DMKN: variants seen among roughly 807,000 people sequenced by gnomAD.
The protein encoded by DMKN is dermokine, also known as epidermis-specific secreted protein SK30/SK89.
A neutral mutation model predicts 67.6 loss-of-function variants in DMKN; 58 were observed. The ratio of observed to expected loss-of-function variants is 0.86; its 90% CI spans 0.69 to 1.07. The LOEUF (loss-of-function observed/expected upper bound fraction) is 1.07. Among genes scored for constraint, DMKN ranks in the 50% least tolerant of loss-of-function variants. The pLI is 0.00. For missense variants in DMKN, 596 were observed against 601.5 expected, an observed-to-expected ratio of 0.99 and a Z score of 0.10; for synonymous variants, 240 against 232.3, an observed-to-expected ratio of 1.03 and a Z score of -0.30.
At position 35,501,728 on chromosome 19, in the gene DMKN, C is replaced by G. The variant is rs147338789; in HGVS notation, c.1239+408G>C. The G allele has an allele frequency of 2.7e-4, 359 of 1,322,550 alleles. No individual in the cohort carries two copies. In the African/African-American group the frequency reaches 4.7e-3, roughly 17 times the overall value. The allele number at this position is 1,322,550 out of a possible 1,614,324, so 81.9% of individuals were successfully genotyped here. On this transcript the variant is annotated intron_variant, in intron 11 of 15. Coordinates refer to ENST00000339686, the MANE Select transcript of DMKN (RefSeq NM_033317.5). Reference sequence around the variant, plus strand: ...GACCTGACCCCTGCACACCGCCCTCCCGTTCCACCTCAGCTGTCCTCCCCA... The same window carrying G: ...GACCTGACCCCTGCACACCGCCCTCGCGTTCCACCTCAGCTGTCCTCCCCA...
chr19:35,509,250 G>A (rs2070228848), intron 7 of DMKN, among the ~76,000 whole-genome samples: 2 of 144,908 alleles, frequency 1.4e-5, no homozygotes, highest in Admixed American at 1.4e-4. Context: ...ACTAGAAAGA[G>A]GGTTACAAAT....
rs1336346381 is a variant in DMKN, at chr19:35,501,393, G to C, written c.1239+743C>G. On this transcript the variant is annotated intron_variant, in intron 11 of 15. Coordinates refer to ENST00000339686, the MANE Select transcript of DMKN (RefSeq NM_033317.5). ...TTAAAAATTAAATTAGTTACAGTTA[G>C]AGATCAGCATCCTGGTTCTTCGTGA... is the stretch of plus-strand genomic sequence containing the variant. Among the ~76,000 whole-genome samples, 5 of 152,204 alleles carry C rather than the reference G, an allele frequency of 3.3e-5. No individual in the cohort carries two copies. In the East Asian group the frequency reaches 9.6e-4, roughly 29 times the overall value.
At chr19:35,497,948 T>G (rs1387018608) in intron 15 of DMKN, 2 of 152,130 alleles carry the variant, frequency 1.3e-5, no homozygotes, top group Non-Finnish European at 2.9e-5. Context: ...CCTCTTTCTC[T>G]CTCTCTCTCT....
chr19:35,505,932 A>G lies in DMKN; in HGVS notation c.1086+7T>C. ...GCGAGTGAACAGAGCCATCTCGCAG[A>G]ACTCACCTTCCAGAAAGTGTCAAAG... On this transcript the variant is annotated splice_region_variant and intron_variant, in intron 8 of 15. Coordinates refer to ENST00000339686, the MANE Select transcript of DMKN (RefSeq NM_033317.5). 2 of 1,614,222 alleles carry G rather than the reference A, an allele frequency of 1.2e-6. No homozygotes were observed. Among genetic ancestry groups the G allele is most frequent in the Non-Finnish European group, 1.7e-6 (2 of 1,180,042 alleles).
intron 7 of DMKN, chr19:35,506,401 C>T (rs372896771): frequency 8.4e-5 from 54 of 639,964 alleles, no homozygotes; most frequent in East Asian, 6.4e-4. Context: ...CACCCAGTCC[C>T]CTGAATCTCA....
Position 35,507,233 on chromosome 19 carries a change from C to T in DMKN, c.1039-1247G>A, listed in dbSNP as rs1222234139. On this transcript the variant is annotated intron_variant, in intron 7 of 15. Coordinates refer to ENST00000339686, the MANE Select transcript of DMKN (RefSeq NM_033317.5). ...TACTTTTATCTGTTTTCTCCCCTTA[C>T]AAAAGTAACATGGCTCCGATCCAAA... is the stretch of plus-strand genomic sequence containing the variant. 5.1e-5 allele frequency: 24 copies of T among 468,888 alleles called. No individual in the cohort carries two copies. The Admixed American group carries it at 8.2e-4, about 16-fold the overall frequency. The allele number at this position is 468,888 out of a possible 1,614,324, so 29.0% of individuals were successfully genotyped here.
intron 7 of DMKN, among the ~76,000 whole-genome samples, chr19:35,509,064 A>G (rs1462185314): frequency 1.3e-5 from 2 of 151,546 alleles, no homozygotes. Context: ...TAAAAATACA[A>G]AAAAAAATTA....
chr19:35,501,842 G>C (rs770539879), intron 11 of DMKN: 1 of 1,579,112 alleles, frequency 6.3e-7, no homozygotes, highest in Non-Finnish European at 8.6e-7. Context: ...GCTCCCCTGG[G>C]TCCAGGCCAG....
chr19:35,498,660 G>GA (rs2067848602), intron 15 of DMKN, 56 bp downstream of exon 15: 5 of 1,610,596 alleles, frequency 3.1e-6, no homozygotes, highest in Non-Finnish European at 4.2e-6. Context: ...CCTGCCCCGG[G>GA]TGACTGTGCC....
At chr19:35,499,581 C>G (rs1185309583) in intron 13 of DMKN, among the ~76,000 whole-genome samples, 1 of 152,078 alleles carries the variant, frequency 6.6e-6, no homozygotes, top group African/African-American at 2.4e-5. Flanking sequence ...TCCATCTTCC[C>G]CCGCAAAAAA....
rs2017100 is a variant in DMKN, at chr19:35,504,314, T to G, written c.1134+1404A>C. ...CAGAGAGGCCAGATGCAGTGACTCA[T>G]GCCTGTAATCCCAACATTTTGGGAA... On this transcript the variant is annotated intron_variant, in intron 9 of 15. Coordinates refer to ENST00000339686, the MANE Select transcript of DMKN (RefSeq NM_033317.5). Among the ~76,000 whole-genome samples the G allele has an allele frequency of 9.9e-5, 15 of 151,988 alleles. No homozygotes were observed. In the South Asian group the frequency reaches 2.9e-3, roughly 29 times the overall value.
At chr19:35,509,611 T>C (rs566088396) in intron 7 of DMKN, 80 of 340,230 alleles carry the variant, frequency 2.4e-4, no homozygotes, top group African/African-American at 1.5e-3. Context: ...CACAGTCTGT[T>C]CCCCGGCTGG....
At chr19:35,508,568 G>A (rs193236368) in intron 7 of DMKN, 179 of 218,526 alleles carry the variant, frequency 8.2e-4, no homozygotes, top group Non-Finnish European at 1.3e-3. Context: ...ATCAGTGGTT[G>A]AAGTGATTGA....
In DMKN at chr19:35,499,945, T is replaced by C. The variant is rs1282117551; in HGVS notation, c.1359+13A>G. The C allele has an allele frequency of 1.9e-6, 3 of 1,613,718 alleles. No homozygotes were observed. The highest frequency in any genetic ancestry group is 2.2e-5 in the South Asian group (2 of 91,052). Reference sequence around the variant, plus strand: ...AGCCCCCAGCGGGAAGACAGGGTGGTTGCCGGTCTCACCTTTGCAGGGGTC... The same window carrying C: ...AGCCCCCAGCGGGAAGACAGGGTGGCTGCCGGTCTCACCTTTGCAGGGGTC... On this transcript the variant is annotated intron_variant, in intron 13 of 15. Coordinates refer to ENST00000339686, the MANE Select transcript of DMKN (RefSeq NM_033317.5).
intron 9 of DMKN, among the ~76,000 whole-genome samples, chr19:35,504,982 A>C (rs184361003): frequency 1.7e-4 from 26 of 151,966 alleles, no homozygotes; most frequent in Middle Eastern, 3.4e-3. Flanking sequence ...TCATTATGTG[A>C]AGTCTCTCCA....
At chr19:35,502,986 G>C in intron 9 of DMKN, 100 bp from the exon 10 acceptor site, 2 of 1,320,094 alleles carry the variant, frequency 1.5e-6, no homozygotes, top group Non-Finnish European at 2.1e-6. Context: ...GAATGTCATT[G>C]TGACTAAGGT....
At chr19:35,500,850 C>T (rs184548426) in intron 11 of DMKN, among the ~76,000 whole-genome samples, 127 of 152,224 alleles carry the variant, frequency 8.3e-4, no homozygotes, top group African/African-American at 2.8e-3. Flanking sequence ...TGAGCTAGAA[C>T]AAGTGAGCTG....
chr19:35,510,923 T>G (rs2146202671), intron 5 of DMKN, among the ~76,000 whole-genome samples: 1 of 152,226 alleles, frequency 6.6e-6, no homozygotes. Flanking sequence ...ACAGCGCCCC[T>G]TCCTGCCCTC....
At position 35,508,320 on chromosome 19, in the gene DMKN, A is replaced by G. The variant is rs939433743; in HGVS notation, c.1038+1591T>C. 1.3e-5 allele frequency: 20 copies of G among 1,504,280 alleles called. No individual in the cohort carries two copies. The African/African-American group carries it at 2.4e-4, about 18-fold the overall frequency. 93.2% of individuals were successfully genotyped at this position (1,504,280 alleles called of 1,614,324 possible). Reference sequence around the variant, plus strand: ...CCGAAAATTAATGTATTGATTTAATATGATTCCTCTAAGAATCCTAATGGC... The same window carrying G: ...CCGAAAATTAATGTATTGATTTAATGTGATTCCTCTAAGAATCCTAATGGC... On this transcript the variant is annotated intron_variant, in intron 7 of 15. Transcript: ENST00000339686.
Sources: gnomAD v4.1 joint callset for allele counts (sites outside exome capture counted in the v4.1 genomes callset) on GRCh38, gnomAD v4.1.1 for gene constraint, MANE v1.5 for transcripts, NCBI Gene and HGNC (gene_info 2026-07-23, HGNC 2026-07-21) for gene names.